ZBBX: variants seen among roughly 807,000 people sequenced by gnomAD.
The protein encoded by ZBBX is zinc finger B-box domain containing.
Under a neutral mutation model 108.5 loss-of-function variants are expected in ZBBX, and 101 were observed. The ratio of observed to expected loss-of-function variants is 0.93; its 90% CI spans 0.79 to 1.10. The LOEUF (loss-of-function observed/expected upper bound fraction) is 1.10, where lower values mean the gene tolerates loss of function less well. ZBBX is among the 50% of genes least tolerant of loss of function. The pLI, the probability that ZBBX is intolerant of heterozygous loss-of-function variation, is 0.00. For missense variants in ZBBX, 1,009 were observed against 941.4 expected (o/e 1.07, Z -0.94); for synonymous variants, 356 against 323.4 (o/e 1.10, Z -1.08).
intron 8 of ZBBX, among the ~76,000 whole-genome samples, chr3:167,357,986 T>A (rs1301151066): frequency 6.6e-6 from 1 of 151,880 alleles, no homozygotes; most frequent in Non-Finnish European, 1.5e-5. Flanking sequence ...TGAATACACA[T>A]GGACACAAGA....
chr3:167,226,823 A>G, the ZBBX span, among the ~76,000 whole-genome samples: 1 of 151,756 alleles, frequency 6.6e-6, no homozygotes, highest in African/African-American at 2.4e-5. Flanking sequence ...TATGAATGGA[A>G]GTGGCATGCC....
Position 167,354,669 on chromosome 3 carries a change from A to G in ZBBX, c.433-4154T>C, listed in dbSNP as rs549112746. ...AATACATGGTTATATCATTATATTA[A>G]TATGGATTTCAAAATATATTCTGCA... On this transcript the variant is annotated intron_variant, in intron 8 of 21. Coordinates refer to ENST00000675490, the MANE Select transcript of ZBBX (RefSeq NM_001199201.2). 1.9e-3 allele frequency among the ~76,000 whole-genome samples: 291 copies of G among 152,010 alleles called. 2 individuals carry two copies. Among genetic ancestry groups the G allele is most frequent in the South Asian group, 0.017 (84 of 4,826 alleles).
the ZBBX span, among the ~76,000 whole-genome samples, chr3:167,192,117 C>T: frequency 2.0e-5 from 3 of 151,688 alleles, no homozygotes; most frequent in African/African-American, 7.3e-5. Flanking sequence ...TTTTGGGCTT[C>T]ATACTTTTAG....
At chr3:167,379,258 G>C (rs1560206932) in intron 2 of ZBBX, among the ~76,000 whole-genome samples, 2 of 152,124 alleles carry the variant, frequency 1.3e-5, no homozygotes, top group Non-Finnish European at 2.9e-5. Flanking sequence ...TAAGCACTGA[G>C]GATCAAGGTC....
At chr3:167,180,741 C>T in the ZBBX span, among the ~76,000 whole-genome samples, 16 of 152,258 alleles carry the variant, frequency 1.1e-4, no homozygotes, top group Middle Eastern at 3.4e-3. Flanking sequence ...GAATTGTAAA[C>T]GCAAACTGTT....
chr3:167,323,385 A>G (rs1408378559), intron 11 of ZBBX, among the ~76,000 whole-genome samples: 2 of 152,028 alleles, frequency 1.3e-5, no homozygotes, highest in Non-Finnish European at 2.9e-5. Flanking sequence ...TTTCTCCCTT[A>G]CCAATGGCAC....
chr3:167,186,992 T>C, the ZBBX span, among the ~76,000 whole-genome samples: 2 of 152,208 alleles, frequency 1.3e-5, no homozygotes, highest in Non-Finnish European at 2.9e-5. Context: ...ATAGGAATAC[T>C]ATATTTCTAT....
At chr3:167,259,361 T>C (rs1181836797) in intron 20 of ZBBX, among the ~76,000 whole-genome samples, 1 of 152,228 alleles carries the variant, frequency 6.6e-6, no homozygotes, top group Non-Finnish European at 1.5e-5. Context: ...ATTTTCTCTC[T>C]TCTTTTCTTG....
chr3:167,268,263 A>C (rs1181237084), intron 20 of ZBBX, among the ~76,000 whole-genome samples: 1 of 151,912 alleles, frequency 6.6e-6, no homozygotes, highest in African/African-American at 2.4e-5. Context: ...CAAGTTGATC[A>C]ATCCCTGGGA....
chr3:167,313,062 G>A (rs914253514), intron 16 of ZBBX, among the ~76,000 whole-genome samples: 1 of 152,112 alleles, frequency 6.6e-6, no homozygotes, highest in Non-Finnish European at 1.5e-5. Flanking sequence ...TGAAGTCTAA[G>A]CAAGTAAGTG....
intron 10 of ZBBX, among the ~76,000 whole-genome samples, chr3:167,330,796 G>C (rs867929325): frequency 8.4e-4 from 124 of 147,646 alleles, no homozygotes; most frequent in South Asian, 4.7e-3. Context: ...GAAGAAAGAA[G>C]AAGAAGAAGA....
rs1439077173 is a variant in ZBBX at position 167,282,356 on chromosome 3, A to G, written c.2136T>C (p.Ile712=). 2.5e-5 allele frequency: 41 copies of G among 1,614,138 alleles called. No homozygotes were observed. In the East Asian group the frequency reaches 9.1e-4, roughly 36 times the overall value. Residue 712 remains isoleucine (I), a synonymous_variant, in exon 20 of 22, where the codon ATT becomes ATC. Transcript: ENST00000675490. The part of the protein sequence containing the change: ...AQSSSRAASE[I]SEIEYIDITD... Reference sequence around the variant, plus strand: ...TAATATCAATATATTCAATTTCTGAAATTTCAGAAGCAGCTCTAGATGATG... The same window carrying G: ...TAATATCAATATATTCAATTTCTGAGATTTCAGAAGCAGCTCTAGATGATG...
chr3:167,322,013 A>G, intron 12 of ZBBX, 104 bp downstream of exon 12: 1 of 651,624 alleles, frequency 1.5e-6, no homozygotes, highest in Non-Finnish European at 2.3e-6. Flanking sequence ...ATGTATGCAA[A>G]TATGAAATAT....
intron 12 of ZBBX, among the ~76,000 whole-genome samples, chr3:167,318,979 C>T (rs570230410): frequency 6.6e-6 from 1 of 151,758 alleles, no homozygotes; most frequent in Non-Finnish European, 1.5e-5. Flanking sequence ...TTTGGAGCAA[C>T]CAGAACTCTC....
At chr3:167,195,038 C>G in the ZBBX span, among the ~76,000 whole-genome samples, 1 of 152,216 alleles carries the variant, frequency 6.6e-6, no homozygotes, top group Non-Finnish European at 1.5e-5. Flanking sequence ...ATCTTCTACA[C>G]AGTCTCCAGA....
intron 20 of ZBBX, among the ~76,000 whole-genome samples, chr3:167,256,208 T>C (rs1002542043): frequency 2.0e-5 from 3 of 152,166 alleles, no homozygotes; most frequent in Admixed American, 2.0e-4. Flanking sequence ...CATTCATCTG[T>C]TAATGAATAC....
chr3:167,238,236 T>C (rs1470465993), downstream of ZBBX, among the ~76,000 whole-genome samples: 3 of 152,052 alleles, frequency 2.0e-5, no homozygotes, highest in African/African-American at 7.2e-5. Context: ...AAAAGGGCTT[T>C]GGACACAAAT....
intron 11 of ZBBX, among the ~76,000 whole-genome samples, chr3:167,327,377 A>T (rs1737588169): frequency 6.6e-6 from 1 of 152,180 alleles, no homozygotes; most frequent in African/African-American, 2.4e-5. Flanking sequence ...AACTGAAAGA[A>T]TCCAATTATC....
At chr3:167,329,051 T>C (rs1737917914) in intron 10 of ZBBX, among the ~76,000 whole-genome samples, 1 of 152,176 alleles carries the variant, frequency 6.6e-6, no homozygotes, top group Admixed American at 6.5e-5. Flanking sequence ...TAAAAGTCAG[T>C]GGAATGAATG....
Sources: gnomAD v4.1 joint callset for allele counts (sites outside exome capture counted in the v4.1 genomes callset) on GRCh38, gnomAD v4.1.1 for gene constraint, MANE v1.5 for transcripts, NCBI Gene and HGNC (gene_info 2026-07-23, HGNC 2026-07-21) for gene names.